Variants in PCDH7 observed in about 807,000 individuals in gnomAD.
PCDH7 encodes the protein protocadherin-7.
In PCDH7, 17 loss-of-function variants were observed where a neutral mutation model predicts 58.9. The observed-to-expected ratio is 0.29, with a 90% CI of 0.20 to 0.43. The LOEUF (loss-of-function observed/expected upper bound fraction) is 0.43. PCDH7 is among the 20% of genes least tolerant of loss of function. PCDH7 has a pLI of 1.00. For missense variants in PCDH7, 1,274 were observed against 1,441.0 expected, an observed-to-expected ratio of 0.88 and a Z score of 1.88; for synonymous variants, 664 against 616.4, an observed-to-expected ratio of 1.08 and a Z score of -1.14.
At chr4:31,034,669 T>C (rs1755235860) in intron 3 of PCDH7, among the ~76,000 whole-genome samples, 1 of 152,186 alleles carries the variant, frequency 6.6e-6, no homozygotes, top group African/African-American at 2.4e-5. Flanking sequence ...CTATCGTCAT[T>C]TCATCATTTC....
chr4:30,977,605 A>C lies in PCDH7; in HGVS notation c.*7+27390A>C, dbSNP rs959170146. Among the ~76,000 whole-genome samples, 47 of 152,090 alleles carry C rather than the reference A, an allele frequency of 3.1e-4. 1 individual carries two copies. Among genetic ancestry groups the C allele is most frequent in the Admixed American group, 6.6e-5 (1 of 15,260 alleles). On this transcript the variant is annotated intron_variant, in intron 3 of 3. Coordinates refer to the PCDH7 transcript ENST00000509759. ...ATTTGGAATATGGTGGTACATTAAA[A>C]ATTTTCACCAAGTGCACATTTTCAT...
chr4:30,744,456 T>C (rs1043173720), intron 1 of PCDH7, among the ~76,000 whole-genome samples: 1 of 152,220 alleles, frequency 6.6e-6, no homozygotes, highest in African/African-American at 2.4e-5. Context: ...ATGGGTGTTG[T>C]TCATTCATTT....
At chr4:31,002,811 C>G (rs1265906998) in intron 3 of PCDH7, among the ~76,000 whole-genome samples, 1 of 152,170 alleles carries the variant, frequency 6.6e-6, no homozygotes, top group African/African-American at 2.4e-5. Context: ...AATATTTTGA[C>G]ATGTGCATTC....
chr4:31,046,352 A>G (rs572965372), intron 3 of PCDH7, among the ~76,000 whole-genome samples: 1 of 152,092 alleles, frequency 6.6e-6, no homozygotes, highest in African/African-American at 2.4e-5. Flanking sequence ...TCCATCAGTT[A>G]GACTATGTGA....
intron 3 of PCDH7, among the ~76,000 whole-genome samples, chr4:31,018,354 G>T (rs956998756): frequency 2.6e-5 from 4 of 152,130 alleles, no homozygotes; most frequent in Non-Finnish European, 5.9e-5. Context: ...TTAAGTAGAA[G>T]TGAACTACAT....
chr4:31,120,809 T>C (rs923464471), intron 3 of PCDH7, among the ~76,000 whole-genome samples: 1 of 152,202 alleles, frequency 6.6e-6, no homozygotes, highest in Non-Finnish European at 1.5e-5. Flanking sequence ...CTAGATTAGC[T>C]AGTTGAACAA....
At position 30,896,081 on chromosome 4, in the gene PCDH7, T is replaced by C. The variant is rs144667429; in HGVS notation, c.71-24072T>C. On this transcript the variant is annotated intron_variant, in intron 1 of 3. Transcript: ENST00000509759. ...AGGTGGAGGGGTTATTGTTTCTTTC[T>C]GAACTCCATGACATAACTACATATT... 1.2e-3 allele frequency among the ~76,000 whole-genome samples: 179 copies of C among 152,332 alleles called. No homozygotes were observed. In the Middle Eastern group the frequency reaches 0.014, roughly 12 times the overall value.
intron 1 of PCDH7, among the ~76,000 whole-genome samples, chr4:30,847,271 C>G (rs1732101039): frequency 6.6e-6 from 1 of 151,898 alleles, no homozygotes; most frequent in South Asian, 2.1e-4. Flanking sequence ...AGATTTACAC[C>G]CTGTAGCTCA....
chr4:31,002,379 C>A (rs1356045304), intron 3 of PCDH7, among the ~76,000 whole-genome samples: 2 of 152,228 alleles, frequency 1.3e-5, no homozygotes, highest in African/African-American at 2.4e-5. Flanking sequence ...AATAGCCCAG[C>A]AGTTTCACTG....
intron 2 of PCDH7, among the ~76,000 whole-genome samples, chr4:30,937,980 C>T (rs1745559370): frequency 6.6e-6 from 1 of 151,384 alleles, no homozygotes; most frequent in African/African-American, 2.4e-5. Context: ...AATTCTGCTC[C>T]TTTGTAATTA....
intron 1 of PCDH7, among the ~76,000 whole-genome samples, chr4:30,757,575 T>G (rs957026063): frequency 1.3e-5 from 2 of 152,192 alleles, no homozygotes; most frequent in Non-Finnish European, 2.9e-5. Flanking sequence ...AAACATCCTT[T>G]GATCCTTCTC....
chr4:30,950,001 GA>G (rs1296660554), intron 2 of PCDH7: 1 of 152,466 alleles, frequency 6.6e-6, no homozygotes, highest in Non-Finnish European at 1.5e-5. Context: ...TTTTTTTAAA[GA>G]AAGCAAACAA....
intron 1 of PCDH7, among the ~76,000 whole-genome samples, chr4:30,804,223 A>C (rs570654036): frequency 3.4e-4 from 52 of 152,308 alleles, no homozygotes; most frequent in African/African-American, 1.2e-3. Context: ...CCACTTGAAC[A>C]TACTGTAGGC....
At chr4:30,856,125 C>A (rs1447406151) in intron 1 of PCDH7, among the ~76,000 whole-genome samples, 1 of 151,740 alleles carries the variant, frequency 6.6e-6, no homozygotes, top group African/African-American at 2.4e-5. Context: ...TGTTTCTCAC[C>A]CTTACACCTA....
chr4:31,135,976 T>C (rs1243637275), intron 3 of PCDH7, among the ~76,000 whole-genome samples: 2 of 152,346 alleles, frequency 1.3e-5, no homozygotes, highest in East Asian at 1.9e-4. Context: ...TATTAACACA[T>C]TCAATTCTCA....
At chr4:30,869,556 A>G (rs1735287534) in intron 1 of PCDH7, among the ~76,000 whole-genome samples, 1 of 152,114 alleles carries the variant, frequency 6.6e-6, no homozygotes, top group Non-Finnish European at 1.5e-5. Context: ...TTCTTGTGTT[A>G]GTTTGCTGAG....
In PCDH7 at chr4:30,826,885, C is replaced by T. The variant is rs114253743; in HGVS notation, c.71-93268C>T. 3.3e-3 allele frequency among the ~76,000 whole-genome samples: 505 copies of T among 152,110 alleles called. 1 individual carries two copies. Among genetic ancestry groups the T allele is most frequent in the African/African-American group, 0.012 (482 of 41,512 alleles). On this transcript the variant is annotated intron_variant, in intron 1 of 3. Coordinates refer to the PCDH7 transcript ENST00000509759. The stretch of plus-strand genomic sequence containing the variant: ...GGACTACTGGCGCACACCACCATGC[C>T]CAGCTAATTTCTGTATTTTTTTTGT...
intron 1 of PCDH7, among the ~76,000 whole-genome samples, chr4:30,822,086 G>A (rs1166473433): frequency 6.6e-6 from 1 of 152,000 alleles, no homozygotes; most frequent in African/African-American, 2.4e-5. Flanking sequence ...GACATAGTAA[G>A]TCCTTAAAGG....
At chr4:31,131,328 C>T (rs1467441930) in intron 3 of PCDH7, among the ~76,000 whole-genome samples, 1 of 152,102 alleles carries the variant, frequency 6.6e-6, no homozygotes, top group Non-Finnish European at 1.5e-5. Flanking sequence ...GATTTCTCCC[C>T]TTTTTATCTG....
Sources: allele counts gnomAD v4.1 joint callset (sites outside exome capture counted in the v4.1 genomes callset), GRCh38; gene constraint gnomAD v4.1.1; transcripts MANE v1.5; gene names NCBI Gene and HGNC (gene_info 2026-07-23, HGNC 2026-07-21).